CMTM8: variants seen among roughly 807,000 people sequenced by gnomAD.
CMTM8 encodes the protein CKLF-like MARVEL transmembrane domain-containing protein 8.
In CMTM8, 12 loss-of-function variants were observed where a neutral mutation model predicts 18.6. That is an observed-to-expected ratio of 0.65 (90% CI 0.41 to 1.05). The LOEUF is 1.05. CMTM8 is among the 50% of genes least tolerant of loss of function. CMTM8 has a pLI of 0.00. For missense variants in CMTM8, 217 were observed against 227.2 expected, an observed-to-expected ratio of 0.95 and a Z score of 0.29; for synonymous variants, 87 against 90.6, an observed-to-expected ratio of 0.96 and a Z score of 0.23.
chr3:32,251,777 G>T (rs1702113938), intron 1 of CMTM8, among the ~76,000 whole-genome samples: 1 of 150,440 alleles, frequency 6.6e-6, no homozygotes, highest in Non-Finnish European at 1.5e-5. Flanking sequence ...AAATATAGGG[G>T]AATTTTTTTT....
intron 1 of CMTM8, among the ~76,000 whole-genome samples, chr3:32,307,893 T>C (rs1468379454): frequency 6.6e-6 from 1 of 152,088 alleles, no homozygotes; most frequent in Admixed American, 6.6e-5. Flanking sequence ...AAAGTACAAA[T>C]GGAGAAGGCC....
chr3:32,289,563 C>G (rs1488344554), intron 1 of CMTM8, among the ~76,000 whole-genome samples: 1 of 152,078 alleles, frequency 6.6e-6, no homozygotes, highest in Non-Finnish European at 1.5e-5. Flanking sequence ...AAGTATTGAG[C>G]ACAATACCTG....
At chr3:32,320,227 A>G (rs1322527152) in intron 1 of CMTM8, among the ~76,000 whole-genome samples, 2 of 152,222 alleles carry the variant, frequency 1.3e-5, no homozygotes, top group African/African-American at 4.8e-5. Flanking sequence ...AAACAATCCA[A>G]ATGCCCGTCA....
chr3:32,308,921 A>C (rs1461469302), intron 1 of CMTM8, among the ~76,000 whole-genome samples: 1 of 152,144 alleles, frequency 6.6e-6, no homozygotes, highest in African/African-American at 2.4e-5. Context: ...CCTATGCTGG[A>C]AAGTCATCGT....
At chr3:32,361,286 G>GTTTGTTTTTTTTTGTTTT (rs140270969) in intron 2 of CMTM8, among the ~76,000 whole-genome samples, 6,854 of 87,002 alleles carry the variant, frequency 0.079, 516 homozygotes, top group East Asian at 0.26. Flanking sequence ...CAGCCTAAGA[G>GTTTGTTTTTTTTTGTTTT]TTTTTTTTTC....
In CMTM8 at chr3:32,274,176, G is replaced by A. The variant is rs566373610; in HGVS notation, c.147+35057G>A. Among the ~76,000 whole-genome samples, 18 of 152,102 alleles carry A rather than the reference G, an allele frequency of 1.2e-4. No homozygotes were observed. In the South Asian group the frequency reaches 3.1e-3, roughly 26 times the overall value. On this transcript the variant is annotated intron_variant, in intron 1 of 3. Coordinates refer to ENST00000307526, the MANE Select transcript of CMTM8 (RefSeq NM_178868.5). ...ATTACAGAAATTAGCCAGGCATGGT[G>A]GTGCATGCCTGCGGTCCCAGCTACT... is the stretch of plus-strand genomic sequence containing the variant.
At chr3:32,316,694 A>G (rs978877326) in intron 1 of CMTM8, among the ~76,000 whole-genome samples, 1 of 152,122 alleles carries the variant, frequency 6.6e-6, no homozygotes, top group Non-Finnish European at 1.5e-5. Flanking sequence ...AACAGCAGCA[A>G]TTTTCATTGA....
At chr3:32,359,326 G>A (rs1437046948) in intron 2 of CMTM8, among the ~76,000 whole-genome samples, 4 of 152,204 alleles carry the variant, frequency 2.6e-5, no homozygotes, top group South Asian at 2.1e-4. Flanking sequence ...GGTGGTGGCC[G>A]GGCATGGTGG....
intron 3 of CMTM8, among the ~76,000 whole-genome samples, chr3:32,369,486 A>T (rs1326880169): frequency 1.3e-5 from 2 of 152,060 alleles, no homozygotes; most frequent in African/African-American, 4.8e-5. Context: ...CACACCTCAC[A>T]TACCATGTGG....
At chr3:32,240,887 A>C (rs1701938676) in intron 1 of CMTM8, among the ~76,000 whole-genome samples, 1 of 152,126 alleles carries the variant, frequency 6.6e-6, no homozygotes, top group African/African-American at 2.4e-5. Flanking sequence ...TCTTGGGCTC[A>C]AGCGATCTTC....
chr3:32,353,655 G>A (rs982656151), intron 1 of CMTM8, among the ~76,000 whole-genome samples: 16 of 152,276 alleles, frequency 1.1e-4, no homozygotes, highest in Admixed American at 1.3e-4. Flanking sequence ...ATGTGCAGGC[G>A]GTGGTTATAA....
intron 1 of CMTM8, among the ~76,000 whole-genome samples, chr3:32,298,174 C>G (rs1438680664): frequency 1.3e-5 from 2 of 151,336 alleles, no homozygotes; most frequent in Non-Finnish European, 3.0e-5. Flanking sequence ...CTCCCAGGTT[C>G]AAGCAATTCT....
At chr3:32,324,265 A>AT (rs1441130607) in intron 1 of CMTM8, among the ~76,000 whole-genome samples, 6 of 148,968 alleles carry the variant, frequency 4.0e-5, no homozygotes, top group Admixed American at 1.3e-4. Flanking sequence ...TGCTTATAAC[A>AT]TTAAAAAAAA....
chr3:32,367,815 C>T (rs1697067533), intron 2 of CMTM8, 57 bp from the exon 3 acceptor site: 1 of 1,186,620 alleles, frequency 8.4e-7, no homozygotes, highest in African/African-American at 1.5e-5. Flanking sequence ...CTTCTGAAGT[C>T]CAGAGGTATG....
chr3:32,247,260 AG>A (rs148181321), intron 1 of CMTM8, among the ~76,000 whole-genome samples: 5,771 of 152,248 alleles, frequency 0.038, 218 homozygotes, highest in South Asian at 0.2. Context: ...TCTACAACTC[AG>A]GGGTTTTTAG....
At chr3:32,342,596 A>G (rs1449448706) in intron 1 of CMTM8, among the ~76,000 whole-genome samples, 3 of 152,184 alleles carry the variant, frequency 2.0e-5, no homozygotes, top group African/African-American at 7.2e-5. Context: ...TTACACATTC[A>G]CAGTTCACTT....
chr3:32,314,003 G>T (rs1267582929), intron 1 of CMTM8, among the ~76,000 whole-genome samples: 1 of 152,088 alleles, frequency 6.6e-6, no homozygotes, highest in Non-Finnish European at 1.5e-5. Context: ...CAGAAAAAAA[G>T]ATCTGGATGC....
intron 1 of CMTM8, among the ~76,000 whole-genome samples, chr3:32,333,264 A>G (rs1696316697): frequency 6.6e-6 from 1 of 152,238 alleles, no homozygotes; most frequent in Admixed American, 6.5e-5. Context: ...AACTGTTTAA[A>G]ACCCCTTGTA....
rs936437258 is a variant in CMTM8 at position 32,250,839 on chromosome 3, T to A, written c.147+11720T>A. On this transcript the variant is annotated intron_variant, in intron 1 of 3. Coordinates refer to ENST00000307526, the MANE Select transcript of CMTM8 (RefSeq NM_178868.5). Reference sequence around the variant, plus strand: ...AACCCCTGAGCTCAAATGATCCACCTGTCTCGGCCTCCCAAATTGCTGGGA... The same window carrying A: ...AACCCCTGAGCTCAAATGATCCACCAGTCTCGGCCTCCCAAATTGCTGGGA... Among the ~76,000 whole-genome samples, 7 of 152,148 alleles carry A rather than the reference T, an allele frequency of 4.6e-5. No homozygotes were observed. In the South Asian group the frequency reaches 1.5e-3, roughly 32 times the overall value.
Sources: allele counts gnomAD v4.1 joint callset (sites outside exome capture counted in the v4.1 genomes callset), GRCh38; gene constraint gnomAD v4.1.1; transcripts MANE v1.5; gene names NCBI Gene and HGNC (gene_info 2026-07-23, HGNC 2026-07-21).